Variants in PDE10A observed in about 807,000 individuals in gnomAD.
PDE10A encodes cAMP and cAMP-inhibited cGMP 3',5'-cyclic phosphodiesterase 10A.
In PDE10A, 39 loss-of-function variants were observed where a neutral mutation model predicts 97.7. The ratio of observed to expected loss-of-function variants is 0.40; its 90% confidence interval spans 0.31 to 0.52. PDE10A has a LOEUF of 0.52. Among genes scored for constraint, PDE10A ranks in the 20% least tolerant of loss-of-function variants. The pLI, the probability that PDE10A is intolerant of heterozygous loss-of-function variation, is 0.56. For synonymous variants in PDE10A, 371 were observed against 376.8 expected (o/e 0.98, Z 0.18); for missense variants, 731 against 1,047.8 (o/e 0.70, Z 4.17).
intron 1 of PDE10A, among the ~76,000 whole-genome samples, chr6:165,800,854 G>C (rs939914380): frequency 6.6e-6 from 1 of 152,190 alleles, no homozygotes; most frequent in African/African-American, 2.4e-5. Flanking sequence ...CAGCCAGAGA[G>C]GGCACGGAGG....
At chr6:165,554,123 C>T (rs777834649) in intron 1 of PDE10A, among the ~76,000 whole-genome samples, 2 of 152,038 alleles carry the variant, frequency 1.3e-5, no homozygotes, top group Non-Finnish European at 1.5e-5. Context: ...TGAGCAATAC[C>T]TCATAAGCAT....
At chr6:165,850,309 G>T (rs1156331104) in intron 1 of PDE10A, among the ~76,000 whole-genome samples, 1 of 152,160 alleles carries the variant, frequency 6.6e-6, no homozygotes, top group Non-Finnish European at 1.5e-5. Flanking sequence ...TAACGTCTTG[G>T]CATTTTTATG....
chr6:165,963,840 G>A (rs1226237520), intron 1 of PDE10A, among the ~76,000 whole-genome samples: 1 of 152,118 alleles, frequency 6.6e-6, no homozygotes, highest in Non-Finnish European at 1.5e-5. Flanking sequence ...CCCTCCTTGG[G>A]CCTCTATCCT....
intron 2 of PDE10A, among the ~76,000 whole-genome samples, chr6:165,494,847 C>A (rs1053593190): frequency 1.3e-5 from 2 of 152,172 alleles, no homozygotes; most frequent in East Asian, 1.9e-4. Context: ...CTATGGAGAA[C>A]TTTGTGACTG....
chr6:165,861,669 A>G (rs1780909443), intron 1 of PDE10A, among the ~76,000 whole-genome samples: 1 of 152,014 alleles, frequency 6.6e-6, no homozygotes, highest in South Asian at 2.1e-4. Context: ...CCGAAAGACC[A>G]GAGGGAGCAA....
At chr6:165,852,174 G>C (rs921059117) in intron 1 of PDE10A, among the ~76,000 whole-genome samples, 1 of 152,172 alleles carries the variant, frequency 6.6e-6, no homozygotes, top group African/African-American at 2.4e-5. Flanking sequence ...GTGCTGGAAG[G>C]CTCTCTTAGA....
intron 18 of PDE10A, among the ~76,000 whole-genome samples, chr6:165,348,617 CCT>C (rs770566674): frequency 2.0e-5 from 3 of 151,958 alleles, no homozygotes; most frequent in Non-Finnish European, 4.4e-5. Context: ...CATTACGTTT[CCT>C]CTCTCTCTCT....
intron 1 of PDE10A, among the ~76,000 whole-genome samples, chr6:165,619,151 C>CGTGTA (rs1168231237): frequency 5.7e-5 from 2 of 35,396 alleles, no homozygotes; most frequent in South Asian, 1.8e-3. Context: ...AGTCTAGTGT[C>CGTGTA]GTGTAGTGTA....
intron 1 of PDE10A, among the ~76,000 whole-genome samples, chr6:165,783,135 T>C (rs1038034581): frequency 6.6e-6 from 1 of 152,226 alleles, no homozygotes. Flanking sequence ...TGAAAATATT[T>C]TACTCAGTTT....
intron 1 of PDE10A, among the ~76,000 whole-genome samples, chr6:165,619,351 AGTGTAGT>A (rs1787932591): frequency 2.6e-5 from 4 of 151,094 alleles, no homozygotes; most frequent in Non-Finnish European, 4.4e-5. Flanking sequence ...AGTCTAGTGT[AGTGTAGT>A]CTAGTGTAGT....
intron 1 of PDE10A, among the ~76,000 whole-genome samples, chr6:165,653,109 T>G (rs1789764206): frequency 1.3e-5 from 2 of 152,240 alleles, no homozygotes; most frequent in South Asian, 4.1e-4. Flanking sequence ...AGTGAAATTT[T>G]ACAATCACAT....
At chr6:165,961,509 C>T (rs773856385) in intron 1 of PDE10A, among the ~76,000 whole-genome samples, 3 of 152,216 alleles carry the variant, frequency 2.0e-5, no homozygotes, top group Non-Finnish European at 4.4e-5. Context: ...TGCTGGTTAC[C>T]CACGAGATGA....
chr6:165,791,894 CCTGA>C lies in PDE10A; in HGVS notation c.-615+195631_-615+195634del, dbSNP rs1778664795. ...GGGACTTCCTTGAAACCCACATAAT[CCTGA>C]CTGTCTACTTGCCTTGGGGTCCGAA... is the stretch of plus-strand genomic sequence containing the variant. On this transcript the variant is annotated intron_variant, in intron 1 of 19. Coordinates refer to the PDE10A transcript ENST00000366882. Among the ~76,000 whole-genome samples the C allele has an allele frequency of 2.0e-5, 3 of 152,334 alleles. No homozygotes were observed. In the South Asian group the frequency reaches 6.2e-4, roughly 32 times the overall value.
chr6:165,740,338 GA>G (rs1792688823), intron 1 of PDE10A, among the ~76,000 whole-genome samples: 2 of 151,152 alleles, frequency 1.3e-5, no homozygotes, highest in African/African-American at 4.9e-5. Flanking sequence ...GAGAGAGAGA[GA>G]GAGAGAGGAG....
chr6:165,421,730 T>C (rs1200148765), intron 10 of PDE10A, among the ~76,000 whole-genome samples: 1 of 152,182 alleles, frequency 6.6e-6, no homozygotes, highest in Non-Finnish European at 1.5e-5. Flanking sequence ...TTATTTCATA[T>C]GTCAAAAAAA....
chr6:165,498,396 C>T (rs1780662488), intron 2 of PDE10A, among the ~76,000 whole-genome samples: 1 of 111,982 alleles, frequency 8.9e-6, no homozygotes, highest in African/African-American at 3.5e-5. Flanking sequence ...GTACTCCAGC[C>T]AGGATGACAG....
At chr6:165,635,529 T>C (rs1161135516) in intron 1 of PDE10A, among the ~76,000 whole-genome samples, 1 of 152,126 alleles carries the variant, frequency 6.6e-6, no homozygotes, top group East Asian at 1.9e-4. Flanking sequence ...CACAGCGGAT[T>C]TGGAATTACG....
intron 1 of PDE10A, among the ~76,000 whole-genome samples, chr6:165,835,195 AG>A (rs1241278564): frequency 1.3e-5 from 2 of 152,246 alleles, no homozygotes; most frequent in Non-Finnish European, 2.9e-5. Flanking sequence ...CCATACCTCC[AG>A]CCCCAGAGAC....
intron 1 of PDE10A, among the ~76,000 whole-genome samples, chr6:165,943,432 T>C (rs1783654139): frequency 1.3e-5 from 2 of 152,166 alleles, no homozygotes; most frequent in Admixed American, 1.3e-4. Flanking sequence ...GAATGGCTCA[T>C]GCAATTACGG....
Sources: gnomAD v4.1 joint callset for allele counts (sites outside exome capture counted in the v4.1 genomes callset) on GRCh38, gnomAD v4.1.1 for gene constraint, MANE v1.5 for transcripts, NCBI Gene and HGNC (gene_info 2026-07-23, HGNC 2026-07-21) for gene names.